The following DLGAP2 variants were observed in gnomAD, a reference collection of about 807,000 sequenced individuals.
DLGAP2 encodes the protein disks large-associated protein 2.
Under a neutral mutation model 100.3 loss-of-function variants are expected in DLGAP2, and 26 were observed. The observed-to-expected ratio is 0.26, with a 90% CI of 0.19 to 0.36. The LOEUF (loss-of-function observed/expected upper bound fraction) is 0.36, where lower values mean the gene tolerates loss of function less well. Among genes scored for constraint, DLGAP2 ranks in the 10% least tolerant of loss-of-function variants. DLGAP2 has a pLI of 1.00. For missense variants in DLGAP2, 1,858 were observed against 1,453.2 expected (o/e 1.28, Z -4.53); for synonymous variants, 886 against 630.1 (o/e 1.41, Z -6.08).
At chr8:1,319,934 G>A (rs913408867) in intron 3 of DLGAP2, among the ~76,000 whole-genome samples, 1 of 152,208 alleles carries the variant, frequency 6.6e-6, no homozygotes, top group Non-Finnish European at 1.5e-5. Flanking sequence ...CTTTGAGAAT[G>A]TGCCAGGACT....
intron 3 of DLGAP2, among the ~76,000 whole-genome samples, chr8:1,419,875 C>G (rs899979011): frequency 4.6e-5 from 7 of 152,166 alleles, no homozygotes; most frequent in Non-Finnish European, 2.9e-5. Context: ...GAAATGGTAT[C>G]AGAGCTGCAC....
At chr8:1,089,985 C>G (rs1020696568) in intron 2 of DLGAP2, among the ~76,000 whole-genome samples, 1 of 152,194 alleles carries the variant, frequency 6.6e-6, no homozygotes, top group Non-Finnish European at 1.5e-5. Context: ...AACTCACACC[C>G]TGAGGACCTG....
intron 1 of DLGAP2, among the ~76,000 whole-genome samples, chr8:886,912 C>T (rs1797934633): frequency 6.6e-6 from 1 of 152,150 alleles, no homozygotes; most frequent in Admixed American, 6.5e-5. Flanking sequence ...AGTTCAAGTC[C>T]TGAATATCCT....
chr8:1,182,651 G>C (rs1245321059), intron 2 of DLGAP2, among the ~76,000 whole-genome samples: 1 of 152,194 alleles, frequency 6.6e-6, no homozygotes, highest in Non-Finnish European at 1.5e-5. Context: ...TGTGACCTCT[G>C]CGTGGTGAGT....
chr8:1,340,873 A>G (rs554111931), intron 3 of DLGAP2, among the ~76,000 whole-genome samples: 3 of 152,340 alleles, frequency 2.0e-5, no homozygotes, highest in East Asian at 3.9e-4. Context: ...AAAATGTGGT[A>G]TATGTACACC....
chr8:927,296 G>A (rs1798837159), intron 2 of DLGAP2: 2 of 934,036 alleles, frequency 2.1e-6, no homozygotes, highest in Non-Finnish European at 2.6e-6. Flanking sequence ...AGCTTCTGTG[G>A]CGACTGTTTT....
rs112122545 is a variant in DLGAP2 at position 810,149 on chromosome 8, T to C, written c.18+72324T>C. ...GTGCCATCTCCTCCTCACCCTCCTC[T>C]CTCTGGAACATGTGGACTTTCCACA... On this transcript the variant is annotated intron_variant, in intron 1 of 14. Coordinates refer to ENST00000637795, the MANE Select transcript of DLGAP2 (RefSeq NM_001346810.2). 3.7e-3 allele frequency among the ~76,000 whole-genome samples: 557 copies of C among 152,344 alleles called. 2 individuals carry two copies. The highest frequency in any genetic ancestry group is 0.013 in the African/African-American group (526 of 41,578).
chr8:758,684 C>A (rs1820981908), intron 1 of DLGAP2, among the ~76,000 whole-genome samples: 1 of 152,118 alleles, frequency 6.6e-6, no homozygotes, highest in South Asian at 2.1e-4. Flanking sequence ...ACCTCAGACT[C>A]CTGAGTAGCT....
chr8:1,460,974 C>G (rs998096188), intron 3 of DLGAP2, among the ~76,000 whole-genome samples: 5 of 152,250 alleles, frequency 3.3e-5, no homozygotes, highest in Non-Finnish European at 5.9e-5. Flanking sequence ...TTTGGAAAGC[C>G]TGGCCTGGGT....
intron 2 of DLGAP2, among the ~76,000 whole-genome samples, chr8:987,788 G>A (rs762462379): frequency 6.6e-6 from 1 of 152,086 alleles, no homozygotes; most frequent in Admixed American, 6.5e-5. Context: ...TACTCACACC[G>A]GGTGCTTCCT....
chr8:1,374,296 G>C (rs1802337179), intron 3 of DLGAP2, among the ~76,000 whole-genome samples: 1 of 151,722 alleles, frequency 6.6e-6, no homozygotes, highest in Non-Finnish European at 1.5e-5. Flanking sequence ...GGTGGAGGTG[G>C]GGCCTTCTCC....
intron 4 of DLGAP2, among the ~76,000 whole-genome samples, chr8:1,524,811 C>G (rs1800735352): frequency 6.6e-6 from 1 of 152,136 alleles, no homozygotes; most frequent in East Asian, 1.9e-4. Flanking sequence ...ATCTCAGGTC[C>G]TTCCGTCTGC....
chr8:1,384,177 G>A lies in DLGAP2; in HGVS notation c.107-117189G>A, dbSNP rs375176349. The stretch of plus-strand genomic sequence containing the variant: ...AAAGTGAAAGTTACTGTGACCAAAG[G>A]ATTCATAAAAGTTAAGGGATGAAGT... On this transcript the variant is annotated intron_variant, in intron 3 of 14. Coordinates refer to ENST00000637795, the MANE Select transcript of DLGAP2 (RefSeq NM_001346810.2). 2.2e-4 allele frequency among the ~76,000 whole-genome samples: 33 copies of A among 152,378 alleles called. No homozygotes were observed. In the South Asian group the frequency reaches 5.0e-3, roughly 23 times the overall value.
intron 7 of DLGAP2, among the ~76,000 whole-genome samples, chr8:1,631,686 T>C (rs917682908): frequency 1.4e-4 from 22 of 152,264 alleles, no homozygotes; most frequent in African/African-American, 4.6e-4. Flanking sequence ...CCCTGCAGGG[T>C]GGCTTCAGGC....
intron 2 of DLGAP2, among the ~76,000 whole-genome samples, chr8:909,513 G>C (rs1232599332): frequency 6.6e-6 from 1 of 151,822 alleles, no homozygotes; most frequent in Non-Finnish European, 1.5e-5. Flanking sequence ...AGTTAATTTG[G>C]AAAACATTGC....
chr8:1,172,266 T>G (rs557019817), intron 2 of DLGAP2, among the ~76,000 whole-genome samples: 1 of 152,362 alleles, frequency 6.6e-6, no homozygotes, highest in South Asian at 2.1e-4. Context: ...GTTAGTCTGA[T>G]GGGCTTCCCT....
intron 2 of DLGAP2, among the ~76,000 whole-genome samples, chr8:1,252,357 C>T (rs1421867557): frequency 6.9e-6 from 1 of 144,244 alleles, no homozygotes; most frequent in Non-Finnish European, 1.6e-5. Flanking sequence ...TGTCATGTCA[C>T]ACTTGCCACA....
intron 1 of DLGAP2, among the ~76,000 whole-genome samples, chr8:852,644 C>T (rs558612397): frequency 6.6e-5 from 10 of 152,252 alleles, no homozygotes; most frequent in Admixed American, 6.5e-5. Flanking sequence ...TCCCAGTAGA[C>T]GGGATTTGTA....
chr8:1,411,429 G>A (rs1221764599), intron 3 of DLGAP2, among the ~76,000 whole-genome samples: 3 of 152,196 alleles, frequency 2.0e-5, no homozygotes, highest in Admixed American at 6.5e-5. Flanking sequence ...TGAGCCAGGC[G>A]GTCCTAGCTG....
Sources: gnomAD v4.1 joint callset for allele counts (sites outside exome capture counted in the v4.1 genomes callset) on GRCh38, gnomAD v4.1.1 for gene constraint, MANE v1.5 for transcripts, NCBI Gene and HGNC (gene_info 2026-07-23, HGNC 2026-07-21) for gene names.